The following LAMA2 variants were observed in gnomAD, a reference collection of about 807,000 sequenced individuals.
LAMA2 encodes laminin subunit alpha 2.
LAMA2 carries 269 observed loss-of-function variants against 364.8 expected under a neutral mutation model. That is an observed-to-expected ratio of 0.74 (90% CI 0.67 to 0.82). The LOEUF is 0.82. Among genes scored for constraint, LAMA2 ranks in the 40% least tolerant of loss-of-function variants. The pLI is 0.00. For synonymous variants in LAMA2, 1,379 were observed against 1,370.6 expected (o/e 1.01, Z -0.14); for missense variants, 3,807 against 3,873.2 (o/e 0.98, Z 0.45).
chr6:129,193,293 A>C (rs1321865151), intron 12 of LAMA2, among the ~76,000 whole-genome samples: 1 of 152,240 alleles, frequency 6.6e-6, no homozygotes, highest in Non-Finnish European at 1.5e-5. Context: ...ACCTGATATG[A>C]ATGTTAATTG....
intron 13 of LAMA2, among the ~76,000 whole-genome samples, chr6:129,250,910 C>G (rs1160791996): frequency 1.3e-5 from 2 of 151,988 alleles, no homozygotes; most frequent in Non-Finnish European, 2.9e-5. Flanking sequence ...TGTCTTGAAA[C>G]TTTCATGCAT....
intron 2 of LAMA2, among the ~76,000 whole-genome samples, chr6:129,050,831 G>A (rs1787949638): frequency 6.6e-6 from 1 of 152,154 alleles, no homozygotes; most frequent in South Asian, 2.1e-4. Flanking sequence ...CAGGAGAAGT[G>A]ATTTAGGGAG....
At chr6:128,885,175 A>G (rs1776074958) in intron 1 of LAMA2, among the ~76,000 whole-genome samples, 1 of 152,200 alleles carries the variant, frequency 6.6e-6, no homozygotes, top group Admixed American at 6.5e-5. Flanking sequence ...TCTAGTATAT[A>G]TTATTGTCTT....
chr6:129,465,319 G>C (rs925365658), intron 51 of LAMA2, 30 bp downstream of exon 51: 3 of 1,568,020 alleles, frequency 1.9e-6, no homozygotes, highest in Non-Finnish European at 2.6e-6. Context: ...ATGCAATATA[G>C]GCCTTAATCA....
At chr6:128,934,820 A>T (rs1049598467) in intron 1 of LAMA2, among the ~76,000 whole-genome samples, 1 of 151,932 alleles carries the variant, frequency 6.6e-6, no homozygotes, top group African/African-American at 2.4e-5. Flanking sequence ...TTTTTTCTAC[A>T]TTTTCTAAAA....
At chr6:129,318,010 A>AT (rs1049205006) in intron 27 of LAMA2, among the ~76,000 whole-genome samples, 10 of 151,750 alleles carry the variant, frequency 6.6e-5, no homozygotes, top group Admixed American at 5.9e-4. Context: ...TTTAGAATAC[A>AT]TTTTTCCTAA....
At chr6:128,975,583 C>G (rs1782479559) in intron 1 of LAMA2, among the ~76,000 whole-genome samples, 1 of 152,144 alleles carries the variant, frequency 6.6e-6, no homozygotes, top group Admixed American at 6.5e-5. Flanking sequence ...AATTGCAGTT[C>G]CCACAATTCC....
At chr6:129,257,340 A>G (rs1414632719) in intron 14 of LAMA2, among the ~76,000 whole-genome samples, 1 of 152,134 alleles carries the variant, frequency 6.6e-6, no homozygotes, top group African/African-American at 2.4e-5. Context: ...GTGGAATATT[A>G]CTGGGAAAGA....
intron 41 of LAMA2, among the ~76,000 whole-genome samples, chr6:129,432,709 G>T (rs1583736167): frequency 6.6e-6 from 1 of 152,150 alleles, no homozygotes; most frequent in South Asian, 2.1e-4. Flanking sequence ...CTGGGCAAAA[G>T]AAAACAAGCC....
rs758586745 is a variant in LAMA2, at chr6:129,093,308, TA to T, written c.397-4862del. On this transcript the variant is annotated intron_variant, in intron 3 of 64. Coordinates refer to ENST00000421865, the MANE Select transcript of LAMA2 (RefSeq NM_000426.4). The stretch of plus-strand genomic sequence containing the variant: ...CCGGCCGAGGATTTTTTTTTTTTTT[TA>T]AATCAAGACTTAGCAATGCATGTTC... Among the ~76,000 whole-genome samples, 11 of 125,260 alleles carry T rather than the reference TA, an allele frequency of 8.8e-5. No homozygotes were observed. In the South Asian group the frequency reaches 1.0e-3, roughly 12 times the overall value. The allele number at this position is 125,260 out of a possible 152,430, so 82.2% of individuals were successfully genotyped here. A position where few individuals can be genotyped will look rare whatever the true frequency, so the allele number is the denominator to read the frequency against.
chr6:129,223,418 A>G (rs1784016460), intron 12 of LAMA2, among the ~76,000 whole-genome samples: 1 of 152,132 alleles, frequency 6.6e-6, no homozygotes. Flanking sequence ...GTCCTTACCC[A>G]TGCCTATGTC....
At chr6:129,363,010 T>C (rs1288999577) in intron 32 of LAMA2, among the ~76,000 whole-genome samples, 1 of 152,172 alleles carries the variant, frequency 6.6e-6, no homozygotes, top group Non-Finnish European at 1.5e-5. Flanking sequence ...ACATGGTTTT[T>C]CAATTACTGG....
intron 1 of LAMA2, among the ~76,000 whole-genome samples, chr6:128,986,596 T>C (rs1008073767): frequency 6.6e-6 from 1 of 152,054 alleles, no homozygotes; most frequent in African/African-American, 2.4e-5. Flanking sequence ...TAGCTCTCTA[T>C]ATATCATTTC....
At chr6:129,450,626 T>C (rs1782628905) in intron 45 of LAMA2, among the ~76,000 whole-genome samples, 1 of 152,200 alleles carries the variant, frequency 6.6e-6, no homozygotes, top group African/African-American at 2.4e-5. Context: ...CAGCCTCAAC[T>C]GTGTTTTTTA....
intron 9 of LAMA2, among the ~76,000 whole-genome samples, chr6:129,170,632 A>G (rs1448564975): frequency 6.6e-6 from 1 of 150,836 alleles, no homozygotes; most frequent in Non-Finnish European, 1.5e-5. Flanking sequence ...AAAAAAATGT[A>G]TATTCTGTTG....
intron 4 of LAMA2, among the ~76,000 whole-genome samples, chr6:129,117,784 C>T (rs981587905): frequency 6.6e-6 from 1 of 152,168 alleles, no homozygotes; most frequent in African/African-American, 2.4e-5. Flanking sequence ...ATGCAATGTA[C>T]ACTCTTGTTG....
chr6:129,200,856 C>T (rs1308845446), intron 12 of LAMA2, among the ~76,000 whole-genome samples: 2 of 151,984 alleles, frequency 1.3e-5, no homozygotes, highest in East Asian at 3.9e-4. Context: ...TGGTCTGGTA[C>T]CACTGATTAT....
At chr6:129,048,768 C>T (rs113734771) in intron 1 of LAMA2, among the ~76,000 whole-genome samples, 24,727 of 151,444 alleles carry the variant, frequency 0.16, 2,386 homozygotes, top group African/African-American at 0.26. Context: ...ATGCCCACCA[C>T]CACGCCCTGC....
chr6:129,134,494 CA>C (rs952737564), intron 4 of LAMA2, among the ~76,000 whole-genome samples: 1 of 152,158 alleles, frequency 6.6e-6, no homozygotes, highest in African/African-American at 2.4e-5. Context: ...CAGCAGTCCC[CA>C]ACCTTTTTGG....
Sources: allele counts gnomAD v4.1 joint callset (sites outside exome capture counted in the v4.1 genomes callset), GRCh38; gene constraint gnomAD v4.1.1; transcripts MANE v1.5; gene names NCBI Gene and HGNC (gene_info 2026-07-23, HGNC 2026-07-21).